The following COXFA4L2 variants were observed in gnomAD, a reference collection of about 807,000 sequenced individuals.
COXFA4L2 encodes NADH dehydrogenase (ubiquinone) 1 alpha subcomplex, 4-like 2.
chr12:57,237,038 T>G, the COXFA4L2 span: 12 of 1,614,158 alleles, frequency 7.4e-6, no homozygotes, highest in Non-Finnish European at 9.3e-6. Flanking sequence ...CCCCCGGATG[T>G]CTTTTGATCT....
the COXFA4L2 span, chr12:57,240,712 C>T: frequency 2.0e-6 from 2 of 985,514 alleles, no homozygotes; most frequent in Admixed American, 6.1e-5. Flanking sequence ...ACACACACTC[C>T]CCGCTGGCTC....
At chr12:57,235,420 C>T in the COXFA4L2 span, 4 of 880,250 alleles carry the variant, frequency 4.5e-6, no homozygotes, top group East Asian at 9.7e-5. Context: ...GGAGCAGCCT[C>T]CCCTCTGCGT....
At chr12:57,235,181 C>T in the COXFA4L2 span, 1 of 257,194 alleles carries the variant, frequency 3.9e-6, no homozygotes, top group Non-Finnish European at 7.6e-6. Context: ...TGGAGCCCGC[C>T]ACGTCGCTTG....
chr12:57,240,579 A>T, the COXFA4L2 span: 1 of 756,986 alleles, frequency 1.3e-6, no homozygotes, highest in East Asian at 1.3e-4. Flanking sequence ...GCACACACAC[A>T]CTCGCGCGCG....
At chr12:57,237,173 C>T in the COXFA4L2 span, 2 of 1,612,380 alleles carry the variant, frequency 1.2e-6, no homozygotes, top group Non-Finnish European at 1.7e-6. Context: ...AGGGATCAGC[C>T]CAGCCCAGAG....
At chr12:57,238,866 G>C in the COXFA4L2 span, among the ~76,000 whole-genome samples, 1 of 151,936 alleles carries the variant, frequency 6.6e-6, no homozygotes, top group African/African-American at 2.4e-5. The surrounding 1 kb of genome is among the most constrained non-coding windows in gnomAD (Gnocchi z 6.8). Flanking sequence ...CCCTTCTCCT[G>C]CTTCTGGTCC....
chr12:57,239,595 C>T, the COXFA4L2 span: 1 of 152,516 alleles, frequency 6.6e-6, no homozygotes, highest in Non-Finnish European at 1.5e-5. This position sits in a 1 kb window ranked among gnomAD's most constrained non-coding sequence, Gnocchi z 5.5. Context: ...GCCCTAAGCC[C>T]TCTGACCCGG....
At chr12:57,240,469 G>A in the COXFA4L2 span, 1 of 154,096 alleles carries the variant, frequency 6.5e-6, no homozygotes, top group African/African-American at 2.4e-5. Context: ...AATAATGGAT[G>A]GAGATGATGC....
the COXFA4L2 span, among the ~76,000 whole-genome samples, chr12:57,238,998 T>C: frequency 6.6e-6 from 1 of 152,120 alleles, no homozygotes; most frequent in Non-Finnish European, 1.5e-5. This position sits in a 1 kb window ranked among gnomAD's most constrained non-coding sequence, Gnocchi z 6.8. Context: ...CTCTCCTCGC[T>C]CCCCACACTT....
At chr12:57,239,263 C>T in the COXFA4L2 span, among the ~76,000 whole-genome samples, 1,228 of 152,338 alleles carry the variant, frequency 8.1e-3, 16 homozygotes, top group African/African-American at 0.028. This position sits in a 1 kb window ranked among gnomAD's most constrained non-coding sequence, Gnocchi z 5.5. Flanking sequence ...GGGGAAGAGG[C>T]CTTGGGCACC....
chr12:57,236,597 C>A, the COXFA4L2 span: 1 of 1,579,682 alleles, frequency 6.3e-7, no homozygotes, highest in Non-Finnish European at 8.6e-7. Flanking sequence ...CTTTACCAGA[C>A]GTCGGGGCTG....
chr12:57,236,565 C>A, the COXFA4L2 span: 5 of 1,539,232 alleles, frequency 3.2e-6, no homozygotes, highest in South Asian at 6.1e-5. Flanking sequence ...ACCCAGGCCC[C>A]CGTGAGCATC....
the COXFA4L2 span, chr12:57,236,132 A>G: frequency 5.7e-6 from 2 of 349,804 alleles, no homozygotes; most frequent in Admixed American, 4.4e-5. Context: ...ACAGATCCCA[A>G]GGGGCTGGGT....
the COXFA4L2 span, chr12:57,237,067 C>G: frequency 6.2e-7 from 1 of 1,614,208 alleles, no homozygotes. Flanking sequence ...AAGCGGGCCC[C>G]AAGACTGGCT....
chr12:57,236,723 C>T, the COXFA4L2 span: 13 of 1,499,902 alleles, frequency 8.7e-6, no homozygotes, highest in Non-Finnish European at 1.2e-5. Context: ...CAGCCCTCTC[C>T]CCGCAGTTCC....
chr12:57,237,001 T>TA, the COXFA4L2 span: 1 of 1,613,928 alleles, frequency 6.2e-7, no homozygotes, highest in Non-Finnish European at 8.5e-7. Context: ...AGTTAGGAGT[T>TA]AGAGGTTCTG....
chr12:57,240,527 G>C, the COXFA4L2 span: 3 of 211,058 alleles, frequency 1.4e-5, no homozygotes, highest in Non-Finnish European at 1.6e-5. Flanking sequence ...AATAGAAATG[G>C]GGAAAGGAAG....
At chr12:57,236,367 C>G in the COXFA4L2 span, 2 of 494,542 alleles carry the variant, frequency 4.0e-6, no homozygotes, top group South Asian at 3.4e-5. Flanking sequence ...CCGGGAGAGG[C>G]GCGGGTTCCG....
At chr12:57,235,911 C>A in the COXFA4L2 span, 1 of 1,018,006 alleles carries the variant, frequency 9.8e-7, no homozygotes, top group Non-Finnish European at 1.4e-6. Flanking sequence ...CTGGCCCCAC[C>A]CCAGTACCCC....
Sources: gnomAD v4.1 joint callset for allele counts (sites outside exome capture counted in the v4.1 genomes callset) on GRCh38, gnomAD v4.1.1 for gene constraint, Gnocchi (gnomAD v3.1) non-coding constraint, MANE v1.5 for transcripts, NCBI Gene and HGNC (gene_info 2026-07-23, HGNC 2026-07-21) for gene names.